The following PRUNE2 variants were observed in gnomAD, a reference collection of about 807,000 sequenced individuals.
PRUNE2 encodes prune homolog 2 with BCH domain, also known as protein prune homolog 2.
A neutral mutation model predicts 252.0 loss-of-function variants in PRUNE2; 164 were observed. The observed-to-expected ratio is 0.65, with a 90% confidence interval of 0.57 to 0.74. The LOEUF is 0.74. Ranked by LOEUF, PRUNE2 falls within the 30% of genes least tolerant of loss-of-function variation. The probability of loss-of-function intolerance (pLI) is 0.00; values close to 1 mark genes in which losing one functional copy is unlikely to be tolerated. For synonymous variants in PRUNE2, 1,292 were observed against 1,350.2 expected, an observed-to-expected ratio of 0.96 and a Z score of 0.94; for missense variants, 3,495 against 3,711.0, an observed-to-expected ratio of 0.94 and a Z score of 1.51.
chr9:76,731,312 A>ATCTATC (rs1484214876), intron 6 of PRUNE2, among the ~76,000 whole-genome samples: 283 of 104,116 alleles, frequency 2.7e-3, no homozygotes, highest in African/African-American at 0.012. Context: ...CTATCTATCT[A>ATCTATC]TATATATATA....
intron 12 of PRUNE2, among the ~76,000 whole-genome samples, chr9:76,642,907 C>A (rs1192898359): frequency 6.6e-6 from 1 of 152,150 alleles, no homozygotes; most frequent in African/African-American, 2.4e-5. Context: ...CAAGGCAGGG[C>A]TGGGGAGAGG....
intron 6 of PRUNE2, among the ~76,000 whole-genome samples, chr9:76,783,454 G>C (rs904266874): frequency 6.8e-4 from 104 of 152,222 alleles, no homozygotes; most frequent in African/African-American, 2.5e-3. Flanking sequence ...ATGACCTGTG[G>C]GATCTCTAGA....
intron 9 of PRUNE2, among the ~76,000 whole-genome samples, chr9:76,674,279 A>C (rs1188444730): frequency 6.6e-6 from 1 of 152,226 alleles, no homozygotes; most frequent in African/African-American, 2.4e-5. Context: ...ACAGAGAGCC[A>C]AATCATGAGT....
At chr9:76,868,117 C>T (rs1271046481) in intron 1 of PRUNE2, among the ~76,000 whole-genome samples, 7 of 151,634 alleles carry the variant, frequency 4.6e-5, no homozygotes, top group Non-Finnish European at 7.4e-5. Flanking sequence ...TGGGTGTAGA[C>T]GAGATTTCTT....
chr9:76,704,216 T>C (rs2046131731), intron 8 of PRUNE2, 117 bp from the exon 9 acceptor site: 1 of 325,208 alleles, frequency 3.1e-6, no homozygotes, highest in East Asian at 5.2e-5. Flanking sequence ...TTTTATATAT[T>C]TTATTTATTT....
intron 15 of PRUNE2, among the ~76,000 whole-genome samples, chr9:76,629,725 A>C (rs1162301636): frequency 6.6e-6 from 1 of 152,026 alleles, no homozygotes; most frequent in East Asian, 1.9e-4. Context: ...CTTAACCGAA[A>C]TTTTGTGGTT....
chr9:76,894,717 C>CA (rs113594017), intron 1 of PRUNE2, among the ~76,000 whole-genome samples: 2,828 of 120,596 alleles, frequency 0.023, 55 homozygotes, highest in Middle Eastern at 0.037. Flanking sequence ...TTTTCTGCAG[C>CA]AAAAAAAAAA....
chr9:76,711,022 C>T lies in PRUNE2; in HGVS notation c.1252G>A (p.Asp418Asn). Residue 418 changes from aspartate to asparagine, a missense_variant, in exon 8 of 19, where the codon GAT (aspartate) becomes AAT (asparagine). Physicochemically the swap from Asp to Asn is conservative, Grantham distance 23. Coordinates refer to ENST00000376718, the MANE Select transcript of PRUNE2 (RefSeq NM_015225.3). ...GGGCTAACAAGGTCTACATTGGCATCCACCTGAGCCTGGTTAGAATCATTG... is the reference window on the plus strand; with the variant it reads ...GGGCTAACAAGGTCTACATTGGCATTCACCTGAGCCTGGTTAGAATCATTG... ...DLNDSNQAQV[D>N]ANVDLVSPDS... The T allele has an allele frequency of 6.2e-7, 1 of 1,613,932 alleles. No individual in the cohort carries two copies.
Position 76,710,703 on chromosome 9 carries a change from T to C in PRUNE2, c.1571A>G (p.Asn524Ser), listed in dbSNP as rs930510213. ...GAGCTGTCCTTCTGACAGGTCACTG[T>C]TGGGGAAGAAGTCATCTGCTGGGGA... ...DYSPADDFFP[N>S]SDLSEGQLPA... The change falls in exon 8 of 19, where the codon AAC (asparagine) becomes AGC (serine). Residue 524 changes from asparagine (N) to serine (S), a missense_variant. Transcript: ENST00000376718. 1.4e-5 allele frequency: 22 copies of C among 1,612,700 alleles called. No individual in the cohort carries two copies. The highest frequency in any genetic ancestry group is 1.9e-5 in the Non-Finnish European group (22 of 1,179,412).
At chr9:76,833,019 C>T (rs928594000) in intron 4 of PRUNE2, among the ~76,000 whole-genome samples, 1 of 151,630 alleles carries the variant, frequency 6.6e-6, no homozygotes, top group Non-Finnish European at 1.5e-5. Context: ...AAAAATGAAT[C>T]CATAGTTAAG....
intron 6 of PRUNE2, among the ~76,000 whole-genome samples, chr9:76,725,919 A>C (rs912535135): frequency 1.3e-5 from 2 of 152,206 alleles, no homozygotes; most frequent in Non-Finnish European, 1.5e-5. Context: ...TAACTGATTT[A>C]AGTAGAGAAA....
chr9:76,777,740 G>A (rs188413748), intron 6 of PRUNE2, among the ~76,000 whole-genome samples: 21 of 152,248 alleles, frequency 1.4e-4, no homozygotes, highest in African/African-American at 5.1e-4. Flanking sequence ...AACAGGATAA[G>A]GTGGATAGAG....
intron 6 of PRUNE2, among the ~76,000 whole-genome samples, chr9:76,726,372 G>A (rs994103949): frequency 3.9e-5 from 6 of 152,240 alleles, no homozygotes; most frequent in South Asian, 2.1e-4. Context: ...CATCAAGCAC[G>A]AAGGTGTAAC....
intron 1 of PRUNE2, among the ~76,000 whole-genome samples, chr9:76,860,224 T>C (rs1207880509): frequency 6.6e-6 from 1 of 152,206 alleles, no homozygotes; most frequent in Non-Finnish European, 1.5e-5. Context: ...ATAGTGATGT[T>C]ATCTGTAGGA....
intron 9 of PRUNE2, among the ~76,000 whole-genome samples, chr9:76,689,684 C>G (rs1564045431): frequency 6.6e-6 from 1 of 152,062 alleles, no homozygotes; most frequent in Non-Finnish European, 1.5e-5. Context: ...CCTGGGATGA[C>G]AGGAAGTAGC....
At chr9:76,718,039 A>G (rs1439638798) in intron 6 of PRUNE2, among the ~76,000 whole-genome samples, 3 of 152,216 alleles carry the variant, frequency 2.0e-5, no homozygotes, top group Non-Finnish European at 2.9e-5. Flanking sequence ...GATGCTCATT[A>G]TAACCCAGAG....
chr9:76,849,392 T>C (rs2059834246), intron 3 of PRUNE2, among the ~76,000 whole-genome samples: 1 of 152,262 alleles, frequency 6.6e-6, no homozygotes, highest in African/African-American at 2.4e-5. Context: ...TATGTATTTT[T>C]CCATTTCACT....
rs113943379 is a variant in PRUNE2 at position 76,694,362 on chromosome 9, T to C, written c.8276+8975A>G. 1.5e-3 allele frequency among the ~76,000 whole-genome samples: 224 copies of C among 152,268 alleles called. 1 individual carries two copies. Among genetic ancestry groups the C allele is most frequent in the African/African-American group, 5.3e-3 (220 of 41,550 alleles). ...CATGCCCAACTAATTTTTGTATTTT[T>C]AGTAGAGACAGGGTTTCACCATATT... is the stretch of plus-strand genomic sequence containing the variant. On this transcript the variant is annotated intron_variant, in intron 9 of 18. Coordinates refer to ENST00000376718, the MANE Select transcript of PRUNE2 (RefSeq NM_015225.3).
rs779615524 is a variant in PRUNE2 at position 76,707,666 on chromosome 9, A to C, written c.4608T>G (p.Ile1536Met). ...GSSGNFDRDTISSEYTHSSAS... is the reference protein window; with the variant it reads ...GSSGNFDRDTMSSEYTHSSAS... ...CACTTGAATGAGTATACTCACTAGA[A>C]ATAGTATCTCTGTCAAAATTTCCAG... The change falls in exon 8 of 19, where the codon ATT becomes ATG. Residue 1536 changes from isoleucine to methionine, a missense_variant. Coordinates refer to ENST00000376718, the MANE Select transcript of PRUNE2 (RefSeq NM_015225.3). 3 of 1,613,808 alleles carry C rather than the reference A, an allele frequency of 1.9e-6. No individual in the cohort carries two copies. Among genetic ancestry groups the C allele is most frequent in the Non-Finnish European group, 2.5e-6 (3 of 1,179,866 alleles).
Sources: gnomAD v4.1 joint callset for allele counts (sites outside exome capture counted in the v4.1 genomes callset) on GRCh38, gnomAD v4.1.1 for gene constraint, MANE v1.5 for transcripts, NCBI Gene and HGNC (gene_info 2026-07-23, HGNC 2026-07-21) for gene names.